ZHX3: variants seen among roughly 807,000 people sequenced by gnomAD.
ZHX3 encodes the protein zinc fingers and homeoboxes 3.
ZHX3 carries 20 observed loss-of-function variants against 64.5 expected under a neutral mutation model. The observed-to-expected ratio is 0.31, with a 90% CI of 0.22 to 0.45. ZHX3 has a LOEUF of 0.45. Among genes scored for constraint, ZHX3 ranks in the 20% least tolerant of loss-of-function variants. The probability of loss-of-function intolerance (pLI) is 1.00; values close to 1 mark genes in which losing one functional copy is unlikely to be tolerated. For synonymous variants in ZHX3, 423 were observed against 461.6 expected (o/e 0.92, Z 1.07); for missense variants, 1,041 against 1,195.8 (o/e 0.87, Z 1.91).
At chr20:41,223,607 T>C (rs1233663856) in intron 2 of ZHX3, among the ~76,000 whole-genome samples, 1 of 152,188 alleles carries the variant, frequency 6.6e-6, no homozygotes, top group Non-Finnish European at 1.5e-5. Context: ...GAGAAAAATA[T>C]GTGAGAAACT....
intron 2 of ZHX3, among the ~76,000 whole-genome samples, chr20:41,250,245 C>A (rs567831163): frequency 6.6e-6 from 1 of 152,298 alleles, no homozygotes; most frequent in South Asian, 2.1e-4. Flanking sequence ...TGCAAAGGCT[C>A]TGAAAAGTAA....
intron 1 of ZHX3, among the ~76,000 whole-genome samples, chr20:41,297,479 T>C (rs998358538): frequency 1.3e-5 from 2 of 152,202 alleles, no homozygotes; most frequent in Non-Finnish European, 2.9e-5. Flanking sequence ...TCTCAGAGAC[T>C]GGGGGAAGGG....
At chr20:41,235,856 G>C (rs970606887) in intron 2 of ZHX3, among the ~76,000 whole-genome samples, 14 of 152,152 alleles carry the variant, frequency 9.2e-5, no homozygotes, top group Non-Finnish European at 1.8e-4. Flanking sequence ...TGACATGATT[G>C]TATATCTAGA....
chr20:41,179,257 G>A lies in ZHX3; in HGVS notation c.*5934C>T, dbSNP rs2036157694. 6.6e-6 allele frequency: 1 copy of A among 151,974 alleles called. No homozygotes were observed. Among genetic ancestry groups the A allele is most frequent in the Non-Finnish European group, 1.5e-5 (1 of 67,994 alleles). 9.4% of individuals were successfully genotyped at this position (151,974 alleles called of 1,614,324 possible). ...CAAAGCAACTGCTCAGAAGCACAGC[G>A]GGAACCCTCTACACAGGGGTGACTG... On this transcript the variant is annotated 3_prime_UTR_variant, in exon 4 of 4. Transcript: ENST00000683867. This position sits in a 1 kb window ranked among gnomAD's most constrained non-coding sequence, Gnocchi z 4.3.
rs1170902516 is a variant in ZHX3 at position 41,202,658 on chromosome 20, A to C, written c.2259T>G (p.Asp753Glu). The C allele has an allele frequency of 6.2e-7, 1 of 1,613,978 alleles. No individual in the cohort carries two copies. The highest frequency in any genetic ancestry group is 8.5e-7 in the Non-Finnish European group (1 of 1,180,018). ...IPGLGACDPE[D>E]DESNKLAEQL... ...GCTCTGCCAGTTTGTTTGACTCATC[A>C]TCCTCAGGGTCACAGGCACCCAGCC... Residue 753 changes from aspartate (D) to glutamate (E), a missense_variant, in exon 3 of 4, where the codon GAT (aspartate) becomes GAG (glutamate). This residue lies in a region of ZHX3 where 649 missense variants were observed against 739.8 expected (regional missense o/e 0.88). Transcript: ENST00000683867. The surrounding 1 kb of genome is among the most constrained non-coding windows in gnomAD (Gnocchi z 7.0).
intron 1 of ZHX3, among the ~76,000 whole-genome samples, chr20:41,314,521 T>C (rs972077909): frequency 6.6e-6 from 1 of 152,222 alleles, no homozygotes; most frequent in Admixed American, 6.5e-5. Flanking sequence ...CACTATCAAC[T>C]ACCAAATTGA....
Position 41,202,394 on chromosome 20 carries a change from G to A in ZHX3, c.2523C>T (p.Val841=), listed in dbSNP as rs886301265. 9 of 1,614,058 alleles carry A rather than the reference G, an allele frequency of 5.6e-6. No homozygotes were observed. In the Admixed American group the frequency reaches 1.5e-4, roughly 27 times the overall value. ...KRGNFPPGLL[V]IAPGNRELLQ... ...GGAGCTCCCGGTTGCCAGGGGCAAT[G>A]ACCAGTAGCCCTGGTGGGAAGTTGC... The change falls in exon 3 of 4, where the codon GTC becomes GTT. Residue 841 remains valine, a synonymous_variant. Transcript: ENST00000683867. This position sits in a 1 kb window ranked among gnomAD's most constrained non-coding sequence, Gnocchi z 7.0.
chr20:41,226,634 C>T lies in ZHX3; in HGVS notation c.-150-21568G>A, dbSNP rs1168911346. 1.3e-5 allele frequency among the ~76,000 whole-genome samples: 2 copies of T among 152,168 alleles called. No individual in the cohort carries two copies. Among genetic ancestry groups the T allele is most frequent in the Non-Finnish European group, 2.9e-5 (2 of 68,028 alleles). ...CACAGGAGTCATCAATTCGTCTTTA[C>T]CTTTTTTGATCCTGTCATCAAATTA... On this transcript the variant is annotated intron_variant, in intron 2 of 3. Transcript: ENST00000683867. This position sits in a 1 kb window ranked among gnomAD's most constrained non-coding sequence, Gnocchi z 4.4.
At position 41,187,963 on chromosome 20, in the gene ZHX3, G is replaced by A. The variant is rs2036667537; in HGVS notation, c.2861-2762C>T. Among the ~76,000 whole-genome samples, 7 of 152,238 alleles carry A rather than the reference G, an allele frequency of 4.6e-5. No homozygotes were observed. In the South Asian group the frequency reaches 1.5e-3, roughly 32 times the overall value. On this transcript the variant is annotated intron_variant, in intron 3 of 3. Transcript: ENST00000683867. Reference sequence around the variant, plus strand: ...CTAGCTACTTTGAAATATACAATATGTTGTTGCTAACCATAGTCACACTAG... The same window carrying A: ...CTAGCTACTTTGAAATATACAATATATTGTTGCTAACCATAGTCACACTAG...
At chr20:41,312,869 G>C (rs1185529599) in intron 1 of ZHX3, among the ~76,000 whole-genome samples, 4 of 152,158 alleles carry the variant, frequency 2.6e-5, no homozygotes. Context: ...CAAGCAGGGG[G>C]GTGGCATGCT....
chr20:41,205,595 C>T (rs1218401435), intron 2 of ZHX3, among the ~76,000 whole-genome samples: 2 of 152,116 alleles, frequency 1.3e-5, no homozygotes, highest in Non-Finnish European at 2.9e-5. Context: ...CTAGGAAGAC[C>T]GGCTGCTGTA....
intron 1 of ZHX3, among the ~76,000 whole-genome samples, chr20:41,307,462 C>T (rs2045013293): frequency 6.6e-6 from 1 of 152,154 alleles, no homozygotes. Context: ...TATTCACTAC[C>T]ATACCACTAT....
Position 41,195,920 on chromosome 20 carries a change from T to A in ZHX3, c.2860+6137A>T, listed in dbSNP as rs1308913721. Among the ~76,000 whole-genome samples, 1 of 152,288 alleles carries A rather than the reference T, an allele frequency of 6.6e-6. No individual in the cohort carries two copies. The highest frequency in any genetic ancestry group is 1.9e-4 in the East Asian group (1 of 5,190). ...TGTATTTCCACTTTTTTATTTTCAA[T>A]GTCTAGTTTCATTCCACTGTAACTG... On this transcript the variant is annotated intron_variant, in intron 3 of 3. Transcript: ENST00000683867. This position sits in a 1 kb window ranked among gnomAD's most constrained non-coding sequence, Gnocchi z 4.2.
rs138088657 is a variant in ZHX3, at chr20:41,256,447, G to A, written c.-151+12543C>T. Among the ~76,000 whole-genome samples the A allele has an allele frequency of 1.2e-4, 19 of 152,054 alleles. No individual in the cohort carries two copies. The East Asian group carries it at 3.3e-3, about 26-fold the overall frequency. On this transcript the variant is annotated intron_variant, in intron 2 of 3. Transcript: ENST00000683867. ...AACTGACTTAATACCAACTAAACTC[G>A]ATGGAGACAAATTAGATTTTTTCCC...
chr20:41,270,774 T>C, intron 1 of ZHX3, among the ~76,000 whole-genome samples: 1 of 152,216 alleles, frequency 6.6e-6, no homozygotes, highest in East Asian at 1.9e-4. Context: ...CTCATCCATC[T>C]ATTTCACTTT....
intron 1 of ZHX3, among the ~76,000 whole-genome samples, chr20:41,273,924 A>C (rs2043266472): frequency 6.6e-6 from 1 of 152,164 alleles, no homozygotes; most frequent in Non-Finnish European, 1.5e-5. Flanking sequence ...TCTTTACATC[A>C]CTTTGAGTAG....
chr20:41,248,427 G>A (rs1419136289), intron 2 of ZHX3, among the ~76,000 whole-genome samples: 2 of 152,096 alleles, frequency 1.3e-5, no homozygotes, highest in African/African-American at 4.8e-5. Flanking sequence ...TTGCATTGCT[G>A]AACACAGGCA....
chr20:41,244,738 C>T (rs1017894842), intron 2 of ZHX3, among the ~76,000 whole-genome samples: 2 of 152,134 alleles, frequency 1.3e-5, no homozygotes, highest in African/African-American at 4.8e-5. Context: ...ATAGAATAGT[C>T]ATAATGAACC....
At position 41,200,575 on chromosome 20, in the gene ZHX3, C is replaced by T. The variant is rs1337948625; in HGVS notation, c.2860+1482G>A. On this transcript the variant is annotated intron_variant, in intron 3 of 3. Transcript: ENST00000683867. This position sits in a 1 kb window ranked among gnomAD's most constrained non-coding sequence, Gnocchi z 4.2. Reference sequence around the variant, plus strand: ...AAAGGAGGGGAGTGTTTTGTTGTTGCCGTATTGAAAACATGGCTGGAGTTG... The same window carrying T: ...AAAGGAGGGGAGTGTTTTGTTGTTGTCGTATTGAAAACATGGCTGGAGTTG... Among the ~76,000 whole-genome samples, 1 of 152,096 alleles carries T rather than the reference C, an allele frequency of 6.6e-6. No individual in the cohort carries two copies. Among genetic ancestry groups the T allele is most frequent in the African/African-American group, 2.4e-5 (1 of 41,428 alleles).
Sources: gnomAD v4.1 joint callset for allele counts (sites outside exome capture counted in the v4.1 genomes callset) on GRCh38, gnomAD v4.1.1 for gene constraint, gnomAD v4.1.1 regional missense constraint, Gnocchi (gnomAD v3.1) non-coding constraint, MANE v1.5 for transcripts, NCBI Gene and HGNC (gene_info 2026-07-23, HGNC 2026-07-21) for gene names.